The following ERH variants were observed in gnomAD, a reference collection of about 807,000 sequenced individuals.
ERH encodes enhancer of rudimentary homolog.
In ERH, 1 loss-of-function variant was observed where a neutral mutation model predicts 16.8. The ratio of observed to expected loss-of-function variants is 0.06; its 90% CI spans 0.02 to 0.28. ERH has a LOEUF of 0.28. ERH is among the 10% of genes least tolerant of loss of function. The pLI is 1.00. For missense variants in ERH, 42 were observed against 127.5 expected, an observed-to-expected ratio of 0.33 and a Z score of 3.23; for synonymous variants, 43 against 43.6, an observed-to-expected ratio of 0.99 and a Z score of 0.05.
chr14:69,398,276 C>G lies in ERH; in HGVS notation c.-43G>C, dbSNP rs910777503. 1 of 1,613,644 alleles carries G rather than the reference C, an allele frequency of 6.2e-7. No homozygotes were observed. The highest frequency in any genetic ancestry group is 8.5e-7 in the Non-Finnish European group (1 of 1,179,916). On this transcript the variant is annotated 5_prime_UTR_variant, in exon 1 of 4. Transcript: ENST00000557016. The stretch of plus-strand genomic sequence containing the variant: ...GCTACAGCAGCTGCCGACACCGCCG[C>G]CGTTACACGAGCTTAACTACAACGC...
At chr14:69,387,443 C>G (rs2045899218) in intron 2 of ERH, among the ~76,000 whole-genome samples, 1 of 152,070 alleles carries the variant, frequency 6.6e-6, no homozygotes, top group Admixed American at 6.6e-5. Context: ...GCTTGTGGTC[C>G]CAGCTACCTG....
At chr14:69,381,413 A>G (rs2045863007) in intron 3 of ERH, among the ~76,000 whole-genome samples, 1 of 152,258 alleles carries the variant, frequency 6.6e-6, no homozygotes, top group African/African-American at 2.4e-5. Context: ...GAAATCTTAA[A>G]CCTATATTTT....
At chr14:69,390,119 G>T (rs1220114407) in intron 2 of ERH, among the ~76,000 whole-genome samples, 1 of 150,126 alleles carries the variant, frequency 6.7e-6, no homozygotes, top group Non-Finnish European at 1.5e-5. Flanking sequence ...TCATGAGTTG[G>T]AAGACCTGAT....
intron 2 of ERH, among the ~76,000 whole-genome samples, chr14:69,389,025 CT>C (rs553937399): frequency 1.5e-4 from 22 of 147,002 alleles, no homozygotes; most frequent in East Asian, 7.9e-4. Context: ...CACAGTTATA[CT>C]TTTTTTTTTT....
chr14:69,397,452 G>GAAA (rs201254745), intron 1 of ERH, among the ~76,000 whole-genome samples: 17,429 of 127,206 alleles, frequency 0.14, 1,245 homozygotes, highest in Middle Eastern at 0.24. Flanking sequence ...TCAAAAACAG[G>GAAA]AAAAAAAAAA....
At chr14:69,391,483 A>G (rs1484633274) in intron 2 of ERH, among the ~76,000 whole-genome samples, 1 of 151,712 alleles carries the variant, frequency 6.6e-6, no homozygotes, top group Non-Finnish European at 1.5e-5. Flanking sequence ...CGTCTCTACT[A>G]AAAATACAAA....
intron 1 of ERH, chr14:69,397,952 T>TAG (rs1364063273): frequency 3.4e-6 from 2 of 587,338 alleles, no homozygotes; most frequent in Non-Finnish European, 6.1e-6. Context: ...CGTCTCCCTC[T>TAG]ACCGAGTAAC....
intron 2 of ERH, among the ~76,000 whole-genome samples, chr14:69,389,784 T>TC (rs2045914132): frequency 6.6e-6 from 1 of 152,196 alleles, no homozygotes; most frequent in East Asian, 1.9e-4. Context: ...CTCTTTTCTT[T>TC]CCCTTGAGAC....
chr14:69,381,166 G>C (rs886106181), intron 3 of ERH, among the ~76,000 whole-genome samples: 2 of 152,062 alleles, frequency 1.3e-5, no homozygotes, highest in African/African-American at 4.8e-5. Context: ...CTGTAGTCCT[G>C]CCTACTCAGG....
intron 1 of ERH, 131 bp from the exon 2 acceptor site, chr14:69,395,043 G>A (rs978655428): frequency 6.4e-5 from 43 of 677,110 alleles, no homozygotes; most frequent in Non-Finnish European, 9.0e-5. Flanking sequence ...GCCAGGCATG[G>A]CATCCCATGC....
At chr14:69,392,970 A>G (rs1191493458) in intron 2 of ERH, among the ~76,000 whole-genome samples, 3 of 152,214 alleles carry the variant, frequency 2.0e-5, no homozygotes, top group Non-Finnish European at 2.9e-5. Context: ...ATGTCAGCAG[A>G]GAAATGGATC....
chr14:69,382,709 C>T (rs1202839963), intron 3 of ERH, among the ~76,000 whole-genome samples: 2 of 150,706 alleles, frequency 1.3e-5, no homozygotes, highest in Non-Finnish European at 2.9e-5. Context: ...CGTGGTGGCG[C>T]GCACCTGTAG....
rs575027278 is a variant in ERH at position 69,396,589 on chromosome 14, T to C, written c.3+1642A>G. On this transcript the variant is annotated intron_variant, in intron 1 of 3. Coordinates refer to ENST00000557016, the MANE Select transcript of ERH (RefSeq NM_004450.3). ...ATGATCAGAATTTTTAACCATCAAA[T>C]TGGAACAGAAATAGCTGAAGCCCAG... Among the ~76,000 whole-genome samples the C allele has an allele frequency of 7.3e-4, 111 of 152,288 alleles. 1 individual carries two copies. The highest frequency in any genetic ancestry group is 3.4e-3 in the Middle Eastern group (1 of 294).
intron 2 of ERH, among the ~76,000 whole-genome samples, chr14:69,393,710 C>A (rs766957006): frequency 2.0e-5 from 3 of 152,126 alleles, no homozygotes; most frequent in Non-Finnish European, 4.4e-5. Context: ...CAATGTACAC[C>A]AGGTGATGGC....
rs527875466 is a variant in ERH, at chr14:69,386,823, G to T, written c.212+140C>A. The T allele has an allele frequency of 4.3e-4, 286 of 666,322 alleles. 1 individual carries two copies. The highest frequency in any genetic ancestry group is 4.1e-5 in the Non-Finnish European group (18 of 440,352). The allele number at this position is 666,322 out of a possible 1,614,324, so 41.3% of individuals were successfully genotyped here. A position where few individuals can be genotyped will look rare whatever the true frequency, so the allele number is the denominator to read the frequency against. On this transcript the variant is annotated intron_variant, in intron 3 of 3. Transcript: ENST00000557016. ...TTGCCAATCTCTTATTTCTGTAAGA[G>T]AAATATTAATTACTATACACTATGC...
intron 3 of ERH, among the ~76,000 whole-genome samples, chr14:69,386,446 A>G (rs1213393821): frequency 6.6e-6 from 1 of 152,230 alleles, no homozygotes; most frequent in African/African-American, 2.4e-5. Flanking sequence ...AGTCTACAGT[A>G]ACACTTTATG....
intron 2 of ERH, among the ~76,000 whole-genome samples, chr14:69,390,879 G>C (rs745863423): frequency 6.6e-6 from 1 of 152,166 alleles, no homozygotes; most frequent in Non-Finnish European, 1.5e-5. Context: ...AGATGCAGAT[G>C]GCAAATAAGC....
At chr14:69,395,057 T>A in intron 1 of ERH, 145 bp from the exon 2 acceptor site, 1 of 640,754 alleles carries the variant, frequency 1.6e-6, no homozygotes, top group South Asian at 2.0e-5. Context: ...CCCATGCCTA[T>A]AATCCTCATC....
chr14:69,396,667 C>G (rs1032603264), intron 1 of ERH, among the ~76,000 whole-genome samples: 9 of 152,198 alleles, frequency 5.9e-5, no homozygotes, highest in Non-Finnish European at 1.3e-4. Flanking sequence ...CATGCAAAAC[C>G]AAGGGTTATC....
Sources: gnomAD v4.1 joint callset for allele counts (sites outside exome capture counted in the v4.1 genomes callset) on GRCh38, gnomAD v4.1.1 for gene constraint, MANE v1.5 for transcripts, NCBI Gene and HGNC (gene_info 2026-07-23, HGNC 2026-07-21) for gene names.